Variants in TXLNB observed in about 807,000 individuals in gnomAD.
TXLNB encodes beta-taxilin.
TXLNB carries 37 observed loss-of-function variants against 57.4 expected under a neutral mutation model. The ratio of observed to expected loss-of-function variants is 0.64; its 90% CI spans 0.50 to 0.85. TXLNB has a LOEUF of 0.85. TXLNB is among the 40% of genes least tolerant of loss of function. TXLNB has a pLI of 0.00. For missense variants in TXLNB, 848 were observed against 825.6 expected, an observed-to-expected ratio of 1.03 and a Z score of -0.33; for synonymous variants, 302 against 309.6, an observed-to-expected ratio of 0.98 and a Z score of 0.26.
chr6:139,249,796 T>A (rs1025186574), intron 7 of TXLNB, among the ~76,000 whole-genome samples: 1 of 152,204 alleles, frequency 6.6e-6, no homozygotes, highest in Non-Finnish European at 1.5e-5. Context: ...AAATGACAGC[T>A]GATTATCATT....
chr6:139,308,639 C>T, the TXLNB span, among the ~76,000 whole-genome samples: 1 of 152,150 alleles, frequency 6.6e-6, no homozygotes, highest in African/African-American at 2.4e-5. Flanking sequence ...ACTTACATTA[C>T]ATGAAGATAG....
the TXLNB span, among the ~76,000 whole-genome samples, chr6:139,173,098 C>T: frequency 2.7e-4 from 41 of 152,186 alleles, no homozygotes; most frequent in Middle Eastern, 3.2e-3. Flanking sequence ...GATCCTTGAA[C>T]GGACTTCCTA....
At chr6:139,299,824 GA>G in the TXLNB span, among the ~76,000 whole-genome samples, 62 of 148,072 alleles carry the variant, frequency 4.2e-4, no homozygotes, top group African/African-American at 1.1e-3. Context: ...GACATTTGAT[GA>G]AAAAAAAAAT....
the TXLNB span, among the ~76,000 whole-genome samples, chr6:139,191,959 C>T: frequency 3.3e-5 from 5 of 152,192 alleles, no homozygotes; most frequent in African/African-American, 1.2e-4. Context: ...CTTCTGTGAG[C>T]AGCTAAGCAT....
At chr6:139,309,613 C>T in the TXLNB span, among the ~76,000 whole-genome samples, 3 of 151,938 alleles carry the variant, frequency 2.0e-5, no homozygotes, top group Admixed American at 6.6e-5. Flanking sequence ...GTTAATTCCC[C>T]GAAGAGTCTC....
At chr6:139,177,186 C>T in the TXLNB span, 1 of 660,498 alleles carries the variant, frequency 1.5e-6, no homozygotes, top group Non-Finnish European at 2.6e-6. This position sits in a 1 kb window ranked among gnomAD's most constrained non-coding sequence, Gnocchi z 4.9. Flanking sequence ...CATTCTGTGA[C>T]ATTAATTTCC....
At chr6:139,159,484 T>C in the TXLNB span, among the ~76,000 whole-genome samples, 1 of 151,416 alleles carries the variant, frequency 6.6e-6, no homozygotes, top group African/African-American at 2.4e-5. Flanking sequence ...GGTACCTGGG[T>C]GCCACAAGGA....
chr6:139,173,012 T>A, the TXLNB span, among the ~76,000 whole-genome samples: 2 of 152,162 alleles, frequency 1.3e-5, no homozygotes, highest in Non-Finnish European at 2.9e-5. Flanking sequence ...GTGGCCTCTG[T>A]ACCTGGGAAT....
At chr6:139,274,611 G>A (rs561321484) in intron 3 of TXLNB, among the ~76,000 whole-genome samples, 1 of 152,284 alleles carries the variant, frequency 6.6e-6, no homozygotes, top group East Asian at 1.9e-4. Flanking sequence ...TGCTTTGCTA[G>A]GAGGATGAGT....
At chr6:139,194,073 C>T in the TXLNB span, among the ~76,000 whole-genome samples, 2 of 151,632 alleles carry the variant, frequency 1.3e-5, no homozygotes, top group Admixed American at 6.6e-5. Flanking sequence ...GATCTCCTGA[C>T]CTCGTGATCC....
Position 139,242,885 on chromosome 6 carries a change from C to A in TXLNB, c.1696G>T (p.Glu566Ter). The A allele has an allele frequency of 1.2e-6, 2 of 1,614,096 alleles. No homozygotes were observed. Among genetic ancestry groups the A allele is most frequent in the Non-Finnish European group, 1.7e-6 (2 of 1,180,000 alleles). Reference sequence around the variant, plus strand: ...GGAGGTTCAGCATCACTGCCTCCTTCGGCTTCAGCCTGAGGAGTTAGGGGA... The same window carrying A: ...GGAGGTTCAGCATCACTGCCTCCTTAGGCTTCAGCCTGAGGAGTTAGGGGA... ...LPPLTPQAEA[E>*]GGSDAEPPSK... Residue 566 changes from glutamate (E) to a stop codon, truncating the protein, a stop_gained, in exon 10 of 10, where the codon GAA (glutamate) becomes TAA (stop). Coordinates refer to ENST00000358430, the MANE Select transcript of TXLNB (RefSeq NM_153235.4). LOFTEE classifies it low-confidence loss of function (END_TRUNC).
chr6:139,322,170 T>A, the TXLNB span, among the ~76,000 whole-genome samples: 3 of 152,164 alleles, frequency 2.0e-5, no homozygotes, highest in African/African-American at 7.2e-5. Context: ...TTCGGCATTA[T>A]CACTGCTGGG....
chr6:139,227,535 T>C, the TXLNB span, among the ~76,000 whole-genome samples: 1 of 152,152 alleles, frequency 6.6e-6, no homozygotes, highest in African/African-American at 2.4e-5. Flanking sequence ...ATATCTGAAA[T>C]AGACACATGT....
chr6:139,282,653 A>G lies in TXLNB; in HGVS notation c.425-5732T>C, dbSNP rs1329001565. Among the ~76,000 whole-genome samples, 2 of 145,880 alleles carry G rather than the reference A, an allele frequency of 1.4e-5. 1 individual carries two copies. Among genetic ancestry groups the G allele is most frequent in the Non-Finnish European group, 3.1e-5 (2 of 65,522 alleles). On this transcript the variant is annotated intron_variant, in intron 2 of 9. Coordinates refer to ENST00000358430, the MANE Select transcript of TXLNB (RefSeq NM_153235.4). ...CTGATGTCCTAGTCAGGAGCCTCTC[A>G]GAAGGTACCACTGAAGCTCACTTGT...
chr6:139,274,966 T>G (rs748788603), intron 3 of TXLNB, among the ~76,000 whole-genome samples: 2 of 152,222 alleles, frequency 1.3e-5, no homozygotes, highest in Non-Finnish European at 2.9e-5. Flanking sequence ...ACACCTAAAT[T>G]ATTTTTATGG....
chr6:139,170,779 G>GT, the TXLNB span, among the ~76,000 whole-genome samples: 2 of 152,030 alleles, frequency 1.3e-5, no homozygotes, highest in Non-Finnish European at 2.9e-5. Context: ...GATTTTCAGT[G>GT]TTTTTTTAAA....
the TXLNB span, among the ~76,000 whole-genome samples, chr6:139,160,110 T>C: frequency 2.6e-5 from 4 of 152,186 alleles, no homozygotes; most frequent in African/African-American, 9.7e-5. Flanking sequence ...CTAGCTACCC[T>C]GTTATCCAGA....
At chr6:139,253,421 A>G (rs12528093) in intron 7 of TXLNB, among the ~76,000 whole-genome samples, 13,149 of 152,252 alleles carry the variant, frequency 0.086, 623 homozygotes, top group Middle Eastern at 0.11. Flanking sequence ...ATGTTTTGGA[A>G]ACGCTGAAAA....
the TXLNB span, among the ~76,000 whole-genome samples, chr6:139,303,363 T>G: frequency 8.5e-5 from 13 of 152,266 alleles, no homozygotes; most frequent in African/African-American, 3.1e-4. Context: ...TAGTACTAAC[T>G]AGGCAAATGA....
Sources: allele counts gnomAD v4.1 joint callset (sites outside exome capture counted in the v4.1 genomes callset), GRCh38; gene constraint gnomAD v4.1.1; non-coding constraint Gnocchi (gnomAD v3.1); transcripts MANE v1.5; gene names NCBI Gene and HGNC (gene_info 2026-07-23, HGNC 2026-07-21).